Variants in TRIO observed in about 807,000 individuals in gnomAD.
TRIO encodes trio Rho guanine nucleotide exchange factor.
Under a neutral mutation model 351.9 loss-of-function variants are expected in TRIO, and 58 were observed. That is an observed-to-expected ratio of 0.16 (90% CI 0.13 to 0.21). The LOEUF (loss-of-function observed/expected upper bound fraction) is 0.21, where lower values mean the gene tolerates loss of function less well. Ranked by LOEUF, TRIO falls within the 10% of genes least tolerant of loss-of-function variation. TRIO has a pLI of 1.00. For synonymous variants in TRIO, 1,758 were observed against 1,595.7 expected (o/e 1.10, Z -2.42); for missense variants, 3,201 against 4,027.8 (o/e 0.79, Z 5.56).
At chr5:14,474,919 C>T (rs908769882) in intron 40 of TRIO, among the ~76,000 whole-genome samples, 12 of 152,176 alleles carry the variant, frequency 7.9e-5, no homozygotes, top group Non-Finnish European at 1.5e-5. Context: ...AAGCAGTCTT[C>T]CCACCTCAGC....
intron 13 of TRIO, 56 bp downstream of exon 13, chr5:14,359,587 C>G: frequency 6.3e-7 from 1 of 1,585,242 alleles, no homozygotes; most frequent in Non-Finnish European, 8.6e-7. Flanking sequence ...GCTTCCTCCA[C>G]AGCACCGGCG....
chr5:14,406,950 A>G (rs1041963925), intron 33 of TRIO, among the ~76,000 whole-genome samples: 1 of 152,138 alleles, frequency 6.6e-6, no homozygotes, highest in African/African-American at 2.4e-5. Flanking sequence ...CAGCATACTT[A>G]GACTTTTTAA....
chr5:14,388,744 A>G, intron 24 of TRIO, 65 bp downstream of exon 24: 5 of 1,392,322 alleles, frequency 3.6e-6, no homozygotes, highest in Non-Finnish European at 4.7e-6. Context: ...TTGCTATTTT[A>G]TTCTTACCTG....
chr5:14,436,187 C>T (rs1341956294), intron 34 of TRIO, among the ~76,000 whole-genome samples: 2 of 152,198 alleles, frequency 1.3e-5, no homozygotes, highest in Non-Finnish European at 1.5e-5. Context: ...ACTGGGGAGG[C>T]GTCACAATCT....
intron 1 of TRIO, among the ~76,000 whole-genome samples, chr5:14,242,720 G>A (rs529566135): frequency 1.6e-4 from 25 of 152,272 alleles, no homozygotes; most frequent in Non-Finnish European, 2.8e-4. Flanking sequence ...GACTGCAGGC[G>A]TGCCACCATG....
intron 1 of TRIO, among the ~76,000 whole-genome samples, chr5:14,189,319 A>G (rs937111485): frequency 1.3e-5 from 2 of 152,206 alleles, no homozygotes; most frequent in African/African-American, 2.4e-5. Flanking sequence ...TGAAGTACTT[A>G]ATACCTTGAA....
intron 34 of TRIO, among the ~76,000 whole-genome samples, chr5:14,442,631 C>T (rs1335354462): frequency 1.3e-5 from 2 of 152,234 alleles, no homozygotes; most frequent in African/African-American, 2.4e-5. Flanking sequence ...TGTTTTACCA[C>T]TCGAAGATGG....
intron 11 of TRIO, among the ~76,000 whole-genome samples, chr5:14,357,252 AG>A (rs1370211957): frequency 6.6e-6 from 1 of 152,236 alleles, no homozygotes; most frequent in African/African-American, 2.4e-5. Context: ...CCATCTCACC[AG>A]CTGAGCCGGC....
chr5:14,169,999 A>G (rs1440013831), intron 1 of TRIO, among the ~76,000 whole-genome samples: 2 of 152,208 alleles, frequency 1.3e-5, no homozygotes, highest in Non-Finnish European at 2.9e-5. Flanking sequence ...ATGGAAAGCC[A>G]ATGAAATTGG....
intron 1 of TRIO, among the ~76,000 whole-genome samples, chr5:14,157,378 T>C (rs2152118782): frequency 6.6e-6 from 1 of 151,934 alleles, no homozygotes; most frequent in East Asian, 1.9e-4. Context: ...CTTTTCTCTC[T>C]CTCTTTCTCT....
At chr5:14,283,192 T>C (rs2152278900) in intron 3 of TRIO, among the ~76,000 whole-genome samples, 1 of 152,336 alleles carries the variant, frequency 6.6e-6, no homozygotes, top group Non-Finnish European at 1.5e-5. Context: ...TGATGGTTTG[T>C]TGTAGTAGAG....
intron 11 of TRIO, among the ~76,000 whole-genome samples, chr5:14,356,544 C>T (rs1426443121): frequency 6.6e-6 from 1 of 152,160 alleles, no homozygotes; most frequent in Non-Finnish European, 1.5e-5. Flanking sequence ...AAAAATGATA[C>T]ACCACTTTGG....
intron 10 of TRIO, among the ~76,000 whole-genome samples, chr5:14,333,104 C>T (rs1241825693): frequency 6.6e-6 from 1 of 152,176 alleles, no homozygotes; most frequent in East Asian, 1.9e-4. Context: ...TCCTCAGCAG[C>T]ACTGGAAAGC....
rs115907846 is a variant in TRIO at position 14,286,089 on chromosome 5, A to G, written c.348-782A>G. On this transcript the variant is annotated intron_variant, in intron 3 of 56. Coordinates refer to ENST00000344204, the MANE Select transcript of TRIO (RefSeq NM_007118.4). This position sits in a 1 kb window ranked among gnomAD's most constrained non-coding sequence, Gnocchi z 4.4. The stretch of plus-strand genomic sequence containing the variant: ...AGATTTAATACAATTAGAAGCTGGC[A>G]CTTTTTTTTTTTAAGTGCAATAATG... Among the ~76,000 whole-genome samples the G allele has an allele frequency of 8.4e-3, 1,261 of 150,246 alleles. 13 individuals carry two copies. Among genetic ancestry groups the G allele is most frequent in the Non-Finnish European group, 0.013 (847 of 67,616 alleles).
intron 48 of TRIO, among the ~76,000 whole-genome samples, chr5:14,491,776 G>A (rs1356594604): frequency 1.3e-5 from 2 of 152,200 alleles, no homozygotes; most frequent in Admixed American, 6.5e-5. Flanking sequence ...GTATAAGGGT[G>A]GGGGTACGCA....
At chr5:14,241,898 A>G (rs1794149274) in intron 1 of TRIO, among the ~76,000 whole-genome samples, 4 of 152,208 alleles carry the variant, frequency 2.6e-5, no homozygotes, top group Admixed American at 2.0e-4. Flanking sequence ...TAGCAGTTCA[A>G]TACACTTGAG....
intron 20 of TRIO, among the ~76,000 whole-genome samples, chr5:14,380,311 TCCTCCTTCGC>T (rs1745970141): frequency 8.4e-6 from 1 of 118,566 alleles, no homozygotes; most frequent in Non-Finnish European, 1.6e-5. Context: ...GCGCCCCGCC[TCCTCCTTCGC>T]GCCCCGCCTC....
chr5:14,175,306 T>G (rs164109), intron 1 of TRIO, among the ~76,000 whole-genome samples: 30,120 of 152,202 alleles, frequency 0.2, 3,290 homozygotes, highest in East Asian at 0.44. Flanking sequence ...CATATACATG[T>G]GCAGGATTCA....
rs140745100 is a variant in TRIO at position 14,336,544 on chromosome 5, C to T, written c.1863C>T (p.Tyr621=). The T allele has an allele frequency of 1.9e-6, 3 of 1,614,076 alleles. No individual in the cohort carries two copies. In the African/African-American group the frequency reaches 4.0e-5, roughly 22 times the overall value. ...EDFEEVAQNT[Y]TNADKLLEAA... ...GATGTTCTCTTGTGCAGAACACATACACCAATGCGGATAAATTACTGGAAG... is the reference window on the plus strand; with the variant it reads ...GATGTTCTCTTGTGCAGAACACATATACCAATGCGGATAAATTACTGGAAG... The change falls in exon 11 of 57, where the codon TAC becomes TAT. Residue 621 remains tyrosine, a synonymous_variant. Coordinates refer to ENST00000344204, the MANE Select transcript of TRIO (RefSeq NM_007118.4).
Sources: gnomAD v4.1 joint callset for allele counts (sites outside exome capture counted in the v4.1 genomes callset) on GRCh38, gnomAD v4.1.1 for gene constraint, Gnocchi (gnomAD v3.1) non-coding constraint, MANE v1.5 for transcripts, NCBI Gene and HGNC (gene_info 2026-07-23, HGNC 2026-07-21) for gene names.